LYVE1: variants seen among roughly 807,000 people sequenced by gnomAD.
LYVE1 encodes the protein lymphatic vessel endothelial hyaluronic acid receptor 1.
LYVE1 carries 29 observed loss-of-function variants against 31.5 expected under a neutral mutation model. The ratio of observed to expected loss-of-function variants is 0.92; its 90% CI spans 0.69 to 1.26. LYVE1 has a LOEUF of 1.26. Ranked by LOEUF, LYVE1 falls within the 50% of genes most tolerant of loss-of-function variation. The probability of loss-of-function intolerance (pLI) is 0.00; values close to 1 mark genes in which losing one functional copy is unlikely to be tolerated. For synonymous variants in LYVE1, 134 were observed against 139.4 expected (o/e 0.96, Z 0.27); for missense variants, 376 against 380.2 (o/e 0.99, Z 0.09).
chr11:10,557,786 G>A lies in LYVE1; in HGVS notation c.*1325C>T, dbSNP rs1255813641. 6.6e-6 allele frequency: 1 copy of A among 152,150 alleles called. No individual in the cohort carries two copies. The highest frequency in any genetic ancestry group is 1.5e-5 in the Non-Finnish European group (1 of 68,020). The allele number at this position is 152,150 out of a possible 1,614,324, so 9.4% of individuals were successfully genotyped here. On this transcript the variant is annotated 3_prime_UTR_variant, in exon 6 of 6. Transcript: ENST00000256178. ...AACCAACATTGTCCCTTTTATTTTT[G>A]CAAACAATATGATATGATCTGGTCC...
Position 10,559,799 on chromosome 11 carries a change from T to A in LYVE1, c.782+17A>T. On this transcript the variant is annotated intron_variant, in intron 5 of 5. Coordinates refer to ENST00000256178, the MANE Select transcript of LYVE1 (RefSeq NM_006691.4). ...ATGACAAAGATTACAAGACTAGCAG[T>A]GCACCAACAACCCTACCTTTTGACA... 1 of 1,610,998 alleles carries A rather than the reference T, an allele frequency of 6.2e-7. No individual in the cohort carries two copies. The highest frequency in any genetic ancestry group is 8.5e-7 in the Non-Finnish European group (1 of 1,177,244).
chr11:10,560,959 G>C (rs1850413081), intron 3 of LYVE1, among the ~76,000 whole-genome samples, 159 bp from the exon 4 acceptor site: 1 of 152,198 alleles, frequency 6.6e-6, no homozygotes, highest in African/African-American at 2.4e-5. Context: ...GAAGCCTTCA[G>C]TGGCTATCTT....
intron 5 of LYVE1, 149 bp from the exon 6 acceptor site, chr11:10,559,446 A>G (rs1591512374): frequency 1.6e-6 from 1 of 627,096 alleles, no homozygotes; most frequent in Non-Finnish European, 2.8e-6. Context: ...ACATTAAGAC[A>G]TCACCACCTT....
At chr11:10,568,387 C>G (rs1300877747) in intron 1 of LYVE1, 61 bp downstream of exon 1, 1 of 1,540,986 alleles carries the variant, frequency 6.5e-7, no homozygotes, top group African/African-American at 1.4e-5. Context: ...CCATAGTCAA[C>G]AGCTTAGGAG....
chr11:10,559,297 C>T lies in LYVE1; in HGVS notation c.783G>A (p.Arg261=), dbSNP rs1850369149. ...TTGTAAAAGGGAAGGCCTTCACATA[C>T]CTTTAGGCAGAAACATGAAATTAAA... The part of the protein sequence containing the change: ...AAGLGFCYVK[R]YVKAFPFTNK... The change falls in exon 6 of 6, where the codon AGG becomes AGA. Residue 261 remains arginine, a splice_region_variant and synonymous_variant. Transcript: ENST00000256178. 1.2e-6 allele frequency: 2 copies of T among 1,610,170 alleles called. No homozygotes were observed. The highest frequency in any genetic ancestry group is 1.7e-5 in the Admixed American group (1 of 59,176).
At chr11:10,559,970 G>T in intron 4 of LYVE1, 76 bp from the exon 5 acceptor site, 2 of 1,062,954 alleles carry the variant, frequency 1.9e-6, no homozygotes, top group Non-Finnish European at 1.5e-6. Context: ...TGATCCAGGT[G>T]ATTGAGACAG....
At chr11:10,560,456 C>T in intron 4 of LYVE1, 39 bp downstream of exon 4, 2 of 1,511,648 alleles carry the variant, frequency 1.3e-6, no homozygotes, top group Non-Finnish European at 1.8e-6. Context: ...TATACATGAA[C>T]ATACATACAC....
At chr11:10,564,999 T>G (rs1850507350) in intron 1 of LYVE1, among the ~76,000 whole-genome samples, 1 of 152,190 alleles carries the variant, frequency 6.6e-6, no homozygotes, top group Admixed American at 6.5e-5. Flanking sequence ...TGGGCTTAGA[T>G]CTAGCATATG....
chr11:10,558,247 A>G lies in LYVE1; in HGVS notation c.*864T>C, dbSNP rs1254372090. The G allele has an allele frequency of 2.0e-5, 3 of 152,220 alleles. No homozygotes were observed. Among genetic ancestry groups the G allele is most frequent in the Non-Finnish European group, 4.4e-5 (3 of 68,046 alleles). 9.4% of individuals were successfully genotyped at this position (152,220 alleles called of 1,614,324 possible). ...TTGACATATAGTAGCTATTCAGCAA[A>G]TGTTTGTTGAATTTTATTACTTTTT... On this transcript the variant is annotated 3_prime_UTR_variant, in exon 6 of 6. Transcript: ENST00000256178.
At chr11:10,565,047 A>C (rs1381684995) in intron 1 of LYVE1, among the ~76,000 whole-genome samples, 1 of 152,172 alleles carries the variant, frequency 6.6e-6, no homozygotes, top group African/African-American at 2.4e-5. Context: ...TAGATACTTC[A>C]TCTCTTTAAT....
chr11:10,568,380 T>C, intron 1 of LYVE1, 68 bp downstream of exon 1: 8 of 1,505,084 alleles, frequency 5.3e-6, no homozygotes, highest in South Asian at 1.2e-5. Context: ...CAGAAATCCA[T>C]AGTCAACAGC....
Position 10,564,040 on chromosome 11 carries a change from C to T in LYVE1, c.297G>A (p.Arg99=). 2 of 1,614,162 alleles carry T rather than the reference C, an allele frequency of 1.2e-6. No individual in the cohort carries two copies. Among genetic ancestry groups the T allele is most frequent in the South Asian group, 2.2e-5 (2 of 91,082 alleles). ...TCCCACACTTGGGGTTTGGGCTAAT[C>T]CTAGAGATGACCACGAATCCATCTC... is the stretch of plus-strand genomic sequence containing the variant. ...WVGDGFVVIS[R]ISPNPKCGKN... is the part of the protein sequence containing the mutation. The change falls in exon 3 of 6, where the codon AGG becomes AGA. Residue 99 remains arginine (R), a synonymous_variant. Transcript: ENST00000256178.
At chr11:10,563,572 C>G (rs1223633669) in intron 3 of LYVE1, among the ~76,000 whole-genome samples, 1 of 152,080 alleles carries the variant, frequency 6.6e-6, no homozygotes, top group East Asian at 1.9e-4. Context: ...GGTGCCGGAA[C>G]CAATCTCCCA....
At chr11:10,560,240 C>A (rs1290377109) in intron 4 of LYVE1, among the ~76,000 whole-genome samples, 2 of 152,180 alleles carry the variant, frequency 1.3e-5, no homozygotes, top group African/African-American at 2.4e-5. Flanking sequence ...TGCATAGGAA[C>A]AGATAGTGAT....
chr11:10,561,498 T>TA (rs567482905), intron 3 of LYVE1, among the ~76,000 whole-genome samples: 65 of 152,140 alleles, frequency 4.3e-4, no homozygotes, highest in Middle Eastern at 6.8e-3. Flanking sequence ...CTGGGCTCAT[T>TA]AAAAAAAGAA....
At chr11:10,564,678 A>G (rs1003009773) in intron 1 of LYVE1, among the ~76,000 whole-genome samples, 1 of 152,202 alleles carries the variant, frequency 6.6e-6, no homozygotes, top group African/African-American at 2.4e-5. Context: ...GTGCAGTCTA[A>G]GGGATGCAGT....
intron 1 of LYVE1, among the ~76,000 whole-genome samples, chr11:10,567,178 A>T (rs1426087745): frequency 6.6e-6 from 1 of 152,218 alleles, no homozygotes; most frequent in African/African-American, 2.4e-5. Context: ...AATTGTATAT[A>T]CACACCTAGC....
At position 10,568,515 on chromosome 11, in the gene LYVE1, G is replaced by A; in HGVS notation, c.18C>T (p.Ser6=). 2 of 1,613,938 alleles carry A rather than the reference G, an allele frequency of 1.2e-6. No individual in the cohort carries two copies. The highest frequency in any genetic ancestry group is 2.2e-5 in the South Asian group (2 of 91,058). Residue 6 remains serine, a synonymous_variant, in exon 1 of 6, where the codon AGC becomes AGT. Coordinates refer to ENST00000256178, the MANE Select transcript of LYVE1 (RefSeq NM_006691.4). The part of the protein sequence containing the change: MARCF[S]LVLLLTSIWT... ...AGATGGAAGTGAGAAGCAACACCAG[G>A]CTGAAGCACCTGGCCATCGTGCCTA... is the stretch of plus-strand genomic sequence containing the variant.
rs1395414559 is a variant in LYVE1 at position 10,558,156 on chromosome 11, G to A, written c.*955C>T. The stretch of plus-strand genomic sequence containing the variant: ...TGAAAAAAATAGCTTCCCAGATAGC[G>A]TTCTACTATGTGCAATTTTTTGAGG... On this transcript the variant is annotated 3_prime_UTR_variant, in exon 6 of 6. Coordinates refer to ENST00000256178, the MANE Select transcript of LYVE1 (RefSeq NM_006691.4). The A allele has an allele frequency of 6.6e-5, 10 of 152,164 alleles. No individual in the cohort carries two copies. The highest frequency in any genetic ancestry group is 2.1e-4 in the South Asian group (1 of 4,832). 9.4% of individuals were successfully genotyped at this position (152,164 alleles called of 1,614,324 possible).
Sources: gnomAD v4.1 joint callset for allele counts (sites outside exome capture counted in the v4.1 genomes callset) on GRCh38, gnomAD v4.1.1 for gene constraint, MANE v1.5 for transcripts, NCBI Gene and HGNC (gene_info 2026-07-23, HGNC 2026-07-21) for gene names.